TMEFF2: variants seen among roughly 807,000 people sequenced by gnomAD.
The protein encoded by TMEFF2 is transmembrane protein with EGF like and two follistatin like domains 2, also known as tomoregulin-2.
In TMEFF2, 28 loss-of-function variants were observed where a neutral mutation model predicts 53.8. The observed-to-expected ratio is 0.52, with a 90% CI of 0.39 to 0.71. TMEFF2 has a LOEUF of 0.71. Ranked by LOEUF, TMEFF2 falls within the 30% of genes least tolerant of loss-of-function variation. The probability of loss-of-function intolerance (pLI) is 0.00; values close to 1 mark genes in which losing one functional copy is unlikely to be tolerated. For synonymous variants in TMEFF2, 162 were observed against 166.3 expected (o/e 0.97, Z 0.20); for missense variants, 353 against 455.2 (o/e 0.78, Z 2.04).
intron 4 of TMEFF2, among the ~76,000 whole-genome samples, chr2:192,122,096 T>C (rs994927544): frequency 2.0e-5 from 3 of 152,200 alleles, no homozygotes; most frequent in East Asian, 1.9e-4. Context: ...GTGATGAATA[T>C]GCCAATTACT....
chr2:191,963,531 C>A (rs1251153363), intron 7 of TMEFF2, among the ~76,000 whole-genome samples: 1 of 152,134 alleles, frequency 6.6e-6, no homozygotes, highest in Non-Finnish European at 1.5e-5. Flanking sequence ...GGTGATGTAA[C>A]CGTTTTCTTC....
chr2:192,003,399 T>C (rs888260844), intron 5 of TMEFF2, among the ~76,000 whole-genome samples: 2 of 152,084 alleles, frequency 1.3e-5, no homozygotes, highest in Admixed American at 6.5e-5. Context: ...TTCCTATCAC[T>C]CTCTGATTAA....
At chr2:192,082,396 A>G (rs1427153747) in intron 4 of TMEFF2, among the ~76,000 whole-genome samples, 1 of 152,204 alleles carries the variant, frequency 6.6e-6, no homozygotes, top group Non-Finnish European at 1.5e-5. Flanking sequence ...CAGAGTTAGC[A>G]TGCTAAATAT....
intron 4 of TMEFF2, among the ~76,000 whole-genome samples, chr2:192,168,972 G>C (rs1690839995): frequency 6.6e-6 from 1 of 151,968 alleles, no homozygotes; most frequent in Non-Finnish European, 1.5e-5. Flanking sequence ...TCCCACCTCA[G>C]CCTCCTCGGT....
At chr2:192,132,143 C>T (rs1360810517) in intron 4 of TMEFF2, among the ~76,000 whole-genome samples, 3 of 152,192 alleles carry the variant, frequency 2.0e-5, no homozygotes, top group African/African-American at 7.2e-5. Flanking sequence ...CTTCCTCAGC[C>T]TCCGCTCCTC....
At chr2:191,991,579 A>G (rs1050245598) in intron 7 of TMEFF2, among the ~76,000 whole-genome samples, 3 of 152,106 alleles carry the variant, frequency 2.0e-5, no homozygotes, top group South Asian at 2.1e-4. Flanking sequence ...ACAAGGTTAA[A>G]TTACCACGAT....
chr2:192,024,049 A>G (rs1392608755), intron 5 of TMEFF2, among the ~76,000 whole-genome samples: 1 of 152,174 alleles, frequency 6.6e-6, no homozygotes, highest in East Asian at 1.9e-4. Context: ...GACAGTCACA[A>G]ATCTCCTATG....
chr2:192,012,026 A>G (rs1686639749), intron 5 of TMEFF2, among the ~76,000 whole-genome samples: 1 of 152,060 alleles, frequency 6.6e-6, no homozygotes, highest in South Asian at 2.1e-4. Flanking sequence ...AGCTGGGACT[A>G]TAGGCGCCCA....
intron 5 of TMEFF2, among the ~76,000 whole-genome samples, chr2:192,053,214 CT>C (rs986279592): frequency 1.3e-5 from 2 of 152,020 alleles, no homozygotes; most frequent in African/African-American, 4.8e-5. Flanking sequence ...TTTTTCTCTT[CT>C]TCTTTTATTC....
chr2:192,165,056 A>G (rs1690729153), intron 4 of TMEFF2, among the ~76,000 whole-genome samples: 21 of 151,558 alleles, frequency 1.4e-4, no homozygotes, highest in Admixed American at 1.4e-3. Flanking sequence ...CAAGCCAAAG[A>G]CACATCACAC....
intron 4 of TMEFF2, among the ~76,000 whole-genome samples, chr2:192,125,357 C>T (rs1451220737): frequency 6.6e-6 from 1 of 152,074 alleles, no homozygotes; most frequent in East Asian, 1.9e-4. Context: ...TTCAGCTCAA[C>T]TCTAATAAAA....
rs560354252 is a variant in TMEFF2, at chr2:192,151,563, T to C, written c.439+28105A>G. Among the ~76,000 whole-genome samples, 71 of 152,014 alleles carry C rather than the reference T, an allele frequency of 4.7e-4. 1 individual carries two copies. In the Middle Eastern group the frequency reaches 0.014, roughly 29 times the overall value. ...CTTTTGTTTGTTTATTTGTTTGTTTTTTTAACCAGTGACTATCAAGAGCGT... is the reference window on the plus strand; with the variant it reads ...CTTTTGTTTGTTTATTTGTTTGTTTCTTTAACCAGTGACTATCAAGAGCGT... On this transcript the variant is annotated intron_variant, in intron 4 of 9. Coordinates refer to ENST00000272771, the MANE Select transcript of TMEFF2 (RefSeq NM_016192.4).
chr2:192,136,455 A>G (rs1423695330), intron 4 of TMEFF2, among the ~76,000 whole-genome samples: 1 of 152,178 alleles, frequency 6.6e-6, no homozygotes, highest in Admixed American at 6.5e-5. Context: ...TCATTTTTTT[A>G]TAATTCTTAA....
intron 4 of TMEFF2, among the ~76,000 whole-genome samples, chr2:192,091,682 A>T (rs931265964): frequency 3.9e-5 from 6 of 151,940 alleles, no homozygotes; most frequent in African/African-American, 1.5e-4. Flanking sequence ...ATGGGCAGTA[A>T]GATTAGTTTT....
At chr2:192,112,639 G>T (rs547851491) in intron 4 of TMEFF2, among the ~76,000 whole-genome samples, 2 of 152,158 alleles carry the variant, frequency 1.3e-5, no homozygotes, top group East Asian at 3.9e-4. Context: ...GTTTTGAAAC[G>T]TGAGAACATG....
intron 5 of TMEFF2, among the ~76,000 whole-genome samples, chr2:192,053,629 G>A (rs55860553): frequency 0.023 from 3,526 of 152,288 alleles, 125 homozygotes; most frequent in African/African-American, 0.079. Context: ...AAAACAATAA[G>A]TTGTACTCTT....
chr2:192,168,852 T>C (rs1052141199), intron 4 of TMEFF2, among the ~76,000 whole-genome samples: 8 of 151,998 alleles, frequency 5.3e-5, no homozygotes, highest in Non-Finnish European at 5.9e-5. Context: ...AAATTTTTGG[T>C]TTTATTTGGA....
chr2:192,162,846 C>A (rs539336676), intron 4 of TMEFF2, among the ~76,000 whole-genome samples: 4 of 152,168 alleles, frequency 2.6e-5, no homozygotes, highest in Non-Finnish European at 4.4e-5. Flanking sequence ...TTGACAGCAT[C>A]TTTTAAATCC....
chr2:192,150,666 C>A (rs1574416779), intron 4 of TMEFF2, among the ~76,000 whole-genome samples: 2 of 147,634 alleles, frequency 1.4e-5, no homozygotes, highest in African/African-American at 5.0e-5. Context: ...AAAGCACATA[C>A]TCCTAGGTCC....
Sources: gnomAD v4.1 joint callset for allele counts (sites outside exome capture counted in the v4.1 genomes callset) on GRCh38, gnomAD v4.1.1 for gene constraint, MANE v1.5 for transcripts, NCBI Gene and HGNC (gene_info 2026-07-23, HGNC 2026-07-21) for gene names.